Variants in TMEM132B observed in about 807,000 individuals in gnomAD.
The protein encoded by TMEM132B is transmembrane protein 132B.
TMEM132B carries 18 observed loss-of-function variants against 90.8 expected under a neutral mutation model. The observed-to-expected ratio is 0.20, with a 90% CI of 0.14 to 0.29. The LOEUF is 0.29. Ranked by LOEUF, TMEM132B falls within the 10% of genes least tolerant of loss-of-function variation. The probability of loss-of-function intolerance (pLI) is 1.00; values close to 1 mark genes in which losing one functional copy is unlikely to be tolerated. For missense variants in TMEM132B, 1,096 were observed against 1,326.8 expected (o/e 0.83, Z 2.70); for synonymous variants, 504 against 523.3 (o/e 0.96, Z 0.50).
At chr12:125,614,815 C>T (rs2136955110) in intron 5 of TMEM132B, among the ~76,000 whole-genome samples, 1 of 152,248 alleles carries the variant, frequency 6.6e-6, no homozygotes, top group South Asian at 2.1e-4. Flanking sequence ...GTCTAGGTAA[C>T]TTGCTTTCAG....
At chr12:125,227,300 T>G (rs923148088) in intron 1 of TMEM132B, among the ~76,000 whole-genome samples, 22 of 152,152 alleles carry the variant, frequency 1.4e-4, no homozygotes, top group African/African-American at 5.3e-4. Context: ...ATGTATTAAC[T>G]CATTTAATCC....
chr12:125,567,853 A>G (rs1884696147), intron 4 of TMEM132B, among the ~76,000 whole-genome samples: 1 of 152,152 alleles, frequency 6.6e-6, no homozygotes. Context: ...AAGGAGTGCT[A>G]GTATAATAGG....
At chr12:125,585,406 T>G (rs1372515881) in intron 5 of TMEM132B, 1 of 152,188 alleles carries the variant, frequency 6.6e-6, no homozygotes, top group Admixed American at 6.5e-5. Flanking sequence ...ATGACAAATA[T>G]GGATGATGAA....
intron 4 of TMEM132B, among the ~76,000 whole-genome samples, chr12:125,554,464 A>C (rs1197049324): frequency 6.6e-6 from 1 of 150,754 alleles, no homozygotes; most frequent in Non-Finnish European, 1.5e-5. Flanking sequence ...AGATTTATCA[A>C]CAGTAGTCTA....
intron 3 of TMEM132B, among the ~76,000 whole-genome samples, chr12:125,464,438 T>C (rs1881514045): frequency 6.6e-6 from 1 of 152,180 alleles, no homozygotes; most frequent in East Asian, 1.9e-4. Context: ...GAAACTGCTT[T>C]AGGCCCTCTC....
chr12:125,331,927 T>C (rs930376143), intron 1 of TMEM132B, among the ~76,000 whole-genome samples: 2 of 152,106 alleles, frequency 1.3e-5, no homozygotes, highest in African/African-American at 4.8e-5. Context: ...TTATTTTTTA[T>C]TTACATTTTT....
At chr12:125,321,815 A>T (rs1421070330) in intron 1 of TMEM132B, among the ~76,000 whole-genome samples, 1 of 152,002 alleles carries the variant, frequency 6.6e-6, no homozygotes, top group Non-Finnish European at 1.5e-5. Flanking sequence ...ATACACCACC[A>T]TATGACCCAG....
At chr12:125,247,115 C>T (rs1170647790) in intron 1 of TMEM132B, among the ~76,000 whole-genome samples, 1 of 152,204 alleles carries the variant, frequency 6.6e-6, no homozygotes, top group Non-Finnish European at 1.5e-5. Flanking sequence ...TAAGGTAACC[C>T]ATTCCATCAA....
chr12:125,433,183 T>A (rs1035006208), intron 3 of TMEM132B, among the ~76,000 whole-genome samples: 1 of 152,256 alleles, frequency 6.6e-6, no homozygotes, highest in South Asian at 2.1e-4. Context: ...TTTTAATAAC[T>A]GCAGGTTTAC....
At chr12:125,446,481 GA>G (rs1395441549) in intron 3 of TMEM132B, among the ~76,000 whole-genome samples, 1 of 151,928 alleles carries the variant, frequency 6.6e-6, no homozygotes, top group African/African-American at 2.4e-5. Flanking sequence ...CTTTAGAGTA[GA>G]AAAAAAAGTT....
At chr12:125,419,628 C>G (rs1268264534) in intron 3 of TMEM132B, among the ~76,000 whole-genome samples, 1 of 152,166 alleles carries the variant, frequency 6.6e-6, no homozygotes, top group Non-Finnish European at 1.5e-5. Context: ...CCATATCATT[C>G]CATCCCTGGC....
At chr12:125,414,815 G>A (rs553928735) in intron 2 of TMEM132B, among the ~76,000 whole-genome samples, 1 of 152,280 alleles carries the variant, frequency 6.6e-6, no homozygotes, top group South Asian at 2.1e-4. Context: ...ACTCCCCACT[G>A]TTATAGAGGA....
At chr12:125,354,629 C>T (rs1227581687) in intron 2 of TMEM132B, among the ~76,000 whole-genome samples, 1 of 152,172 alleles carries the variant, frequency 6.6e-6, no homozygotes, top group Non-Finnish European at 1.5e-5. Context: ...GCAGGCATTG[C>T]CAATTCATTA....
Position 125,282,972 on chromosome 12 carries a change from G to C in TMEM132B, c.68-66480G>C, listed in dbSNP as rs115945528. 7.1e-3 allele frequency among the ~76,000 whole-genome samples: 1,081 copies of C among 152,268 alleles called. 14 individuals are homozygous for C. Among genetic ancestry groups the C allele is most frequent in the African/African-American group, 0.025 (1,037 of 41,544 alleles). On this transcript the variant is annotated intron_variant, in intron 1 of 8. Coordinates refer to ENST00000682704, the MANE Select transcript of TMEM132B (RefSeq NM_001366854.1). ...GTTTGTTGGGAGTCCAAGTGGTACA[G>C]CCCGAGAGCTTGGTGCAGGAGAAAG...
chr12:125,315,938 C>T (rs1876257444), intron 1 of TMEM132B, among the ~76,000 whole-genome samples: 1 of 152,130 alleles, frequency 6.6e-6, no homozygotes, highest in African/African-American at 2.4e-5. Context: ...GACCCTGGGT[C>T]ACCACCCCCT....
At chr12:125,591,268 G>A (rs1174358348) in intron 5 of TMEM132B, among the ~76,000 whole-genome samples, 1 of 152,082 alleles carries the variant, frequency 6.6e-6, no homozygotes, top group African/African-American at 2.4e-5. Context: ...ATTCCTTCTG[G>A]AAGCTCTAGG....
chr12:125,637,889 A>T (rs973348347), intron 5 of TMEM132B, among the ~76,000 whole-genome samples: 11 of 152,158 alleles, frequency 7.2e-5, no homozygotes, highest in African/African-American at 2.2e-4. Flanking sequence ...ACGCATTAGG[A>T]TCTGTTTTTG....
At chr12:125,358,502 C>T (rs1015496512) in intron 2 of TMEM132B, among the ~76,000 whole-genome samples, 3 of 152,266 alleles carry the variant, frequency 2.0e-5, no homozygotes, top group Admixed American at 6.5e-5. Context: ...TTGTCTCCTT[C>T]ATTCTGTTTT....
chr12:125,616,522 G>A (rs561912422), intron 5 of TMEM132B, among the ~76,000 whole-genome samples: 7 of 152,236 alleles, frequency 4.6e-5, no homozygotes, highest in South Asian at 2.1e-4. Context: ...TCTGCACAAG[G>A]GAGGGTCCTC....
Sources: allele counts gnomAD v4.1 joint callset (sites outside exome capture counted in the v4.1 genomes callset), GRCh38; gene constraint gnomAD v4.1.1; transcripts MANE v1.5; gene names NCBI Gene and HGNC (gene_info 2026-07-23, HGNC 2026-07-21).